Variants in SCD5 observed in about 807,000 individuals in gnomAD.
SCD5 encodes the protein stearoyl-CoA desaturase 5.
In SCD5, 20 loss-of-function variants were observed where a neutral mutation model predicts 30.4. The ratio of observed to expected loss-of-function variants is 0.66; its 90% CI spans 0.46 to 0.96. The LOEUF (loss-of-function observed/expected upper bound fraction) is 0.96, where lower values mean the gene tolerates loss of function less well. Ranked by LOEUF, SCD5 falls within the 40% of genes least tolerant of loss-of-function variation. SCD5 has a pLI of 0.00. For synonymous variants in SCD5, 173 were observed against 176.4 expected, an observed-to-expected ratio of 0.98 and a Z score of 0.16; for missense variants, 381 against 443.3, an observed-to-expected ratio of 0.86 and a Z score of 1.26.
intron 2 of SCD5, among the ~76,000 whole-genome samples, chr4:82,701,013 T>C (rs1719825977): frequency 2.0e-5 from 3 of 152,078 alleles, no homozygotes. Flanking sequence ...TTGTTCAAAA[T>C]AAGAATAGTA....
At chr4:82,682,889 C>T (rs1480585175) in intron 2 of SCD5, among the ~76,000 whole-genome samples, 2 of 152,126 alleles carry the variant, frequency 1.3e-5, no homozygotes, top group Non-Finnish European at 2.9e-5. Flanking sequence ...GATCTTCGGT[C>T]CCTGAAACCT....
At chr4:82,691,015 T>G (rs979275204) in intron 2 of SCD5, among the ~76,000 whole-genome samples, 19 of 52,734 alleles carry the variant, frequency 3.6e-4, no homozygotes, top group African/African-American at 1.2e-3. Flanking sequence ...TGTTTTTTTG[T>G]TTGTTTGTTT....
intron 1 of SCD5, among the ~76,000 whole-genome samples, chr4:82,708,330 T>C (rs573886298): frequency 1.1e-4 from 16 of 152,320 alleles, no homozygotes; most frequent in African/African-American, 1.9e-4. Context: ...TAAAATAAAA[T>C]AGACCCGTCC....
At chr4:82,782,995 T>C (rs34453582) in intron 1 of SCD5, among the ~76,000 whole-genome samples, 32,729 of 152,094 alleles carry the variant, frequency 0.22, 4,856 homozygotes, top group African/African-American at 0.42. Context: ...GGCCTGAATG[T>C]CTCCAACCCC....
chr4:82,766,498 C>T (rs1721488784), intron 1 of SCD5, among the ~76,000 whole-genome samples: 1 of 152,226 alleles, frequency 6.6e-6, no homozygotes, highest in South Asian at 2.1e-4. Context: ...ACTTTCTTAA[C>T]ACATAAAATA....
intron 1 of SCD5, among the ~76,000 whole-genome samples, chr4:82,788,175 G>A (rs1231246959): frequency 1.3e-5 from 2 of 152,160 alleles, no homozygotes; most frequent in African/African-American, 2.4e-5. Flanking sequence ...CCAATCTACC[G>A]ATGCATTGTT....
At position 82,635,085 on chromosome 4, in the gene SCD5, C is replaced by T. The variant is rs1050002361; in HGVS notation, c.802+1506G>A. Among the ~76,000 whole-genome samples, 5 of 152,334 alleles carry T rather than the reference C, an allele frequency of 3.3e-5. 1 individual carries two copies. In the South Asian group the frequency reaches 1.0e-3, roughly 32 times the overall value. ...TGACACAGAGACCATTTCTACTTAA[C>T]AGTAGGAACTTTCCTATGTTTGATC... is the stretch of plus-strand genomic sequence containing the variant. On this transcript the variant is annotated intron_variant, in intron 4 of 4. Transcript: ENST00000319540.
chr4:82,773,964 C>T (rs1345880333), intron 1 of SCD5, among the ~76,000 whole-genome samples: 1 of 151,982 alleles, frequency 6.6e-6, no homozygotes, highest in Non-Finnish European at 1.5e-5. Context: ...TGGCGCATGC[C>T]TGTAATCCCA....
chr4:82,648,003 A>G (rs772473962), intron 3 of SCD5, among the ~76,000 whole-genome samples: 2 of 152,242 alleles, frequency 1.3e-5, no homozygotes, highest in African/African-American at 2.4e-5. Flanking sequence ...AGATGGCAGG[A>G]CTCGAGGCAA....
At chr4:82,643,206 T>C (rs1727578802) in intron 3 of SCD5, among the ~76,000 whole-genome samples, 1 of 152,190 alleles carries the variant, frequency 6.6e-6, no homozygotes, top group African/African-American at 2.4e-5. Flanking sequence ...GGTTTGATGG[T>C]TTCTCCAAAG....
intron 1 of SCD5, among the ~76,000 whole-genome samples, chr4:82,726,520 G>C: frequency 6.7e-6 from 1 of 148,840 alleles, no homozygotes; most frequent in Non-Finnish European, 1.5e-5. Context: ...GAGATTAAAA[G>C]ACTAGTTATT....
chr4:82,742,276 C>G (rs950045942), intron 1 of SCD5, among the ~76,000 whole-genome samples: 1 of 152,088 alleles, frequency 6.6e-6, no homozygotes, highest in African/African-American at 2.4e-5. Context: ...CATGCAGGAG[C>G]TAGTCTGCCT....
intron 1 of SCD5, among the ~76,000 whole-genome samples, chr4:82,774,095 A>C (rs1243088889): frequency 1.3e-5 from 2 of 152,020 alleles, no homozygotes; most frequent in Non-Finnish European, 2.9e-5. Flanking sequence ...TCTCAAAAAA[A>C]AAAAAAAAAG....
chr4:82,726,134 T>C (rs1397241479), intron 1 of SCD5, among the ~76,000 whole-genome samples: 1 of 151,978 alleles, frequency 6.6e-6, no homozygotes, highest in Non-Finnish European at 1.5e-5. Flanking sequence ...AACAATAACC[T>C]TGGGTCAGGC....
intron 1 of SCD5, among the ~76,000 whole-genome samples, chr4:82,714,721 C>T (rs1466082166): frequency 2.0e-5 from 3 of 152,138 alleles, no homozygotes; most frequent in African/African-American, 7.2e-5. Context: ...ATTTTCTGAG[C>T]ACCCACATGA....
intron 3 of SCD5, among the ~76,000 whole-genome samples, chr4:82,637,756 A>G (rs1041841029): frequency 1.3e-5 from 2 of 152,258 alleles, no homozygotes; most frequent in African/African-American, 4.8e-5. Flanking sequence ...CTGGGAGTGC[A>G]GGCACAGTGT....
At chr4:82,751,138 C>T (rs910176440) in intron 1 of SCD5, among the ~76,000 whole-genome samples, 1 of 152,096 alleles carries the variant, frequency 6.6e-6, no homozygotes, top group African/African-American at 2.4e-5. Context: ...TAATAAGTAT[C>T]GGTGGAATAA....
chr4:82,786,780 G>T (rs185453378), intron 1 of SCD5, among the ~76,000 whole-genome samples: 1 of 135,118 alleles, frequency 7.4e-6, no homozygotes, highest in Non-Finnish European at 1.6e-5. Context: ...GGACAAGAGC[G>T]AGACTTTGCC....
intron 3 of SCD5, among the ~76,000 whole-genome samples, chr4:82,669,820 A>T (rs1052261969): frequency 6.6e-6 from 1 of 152,222 alleles, no homozygotes; most frequent in Non-Finnish European, 1.5e-5. Flanking sequence ...AGTTAGCCAG[A>T]GCCTGACCTG....
Sources: allele counts gnomAD v4.1 joint callset (sites outside exome capture counted in the v4.1 genomes callset), GRCh38; gene constraint gnomAD v4.1.1; transcripts MANE v1.5; gene names NCBI Gene and HGNC (gene_info 2026-07-23, HGNC 2026-07-21).